Variants in KRT6A observed in about 807,000 individuals in gnomAD.
The protein encoded by KRT6A is keratin 6A.
KRT6A carries 28 observed loss-of-function variants against 48.6 expected under a neutral mutation model. That is an observed-to-expected ratio of 0.58 (90% CI 0.43 to 0.79). The LOEUF is 0.79. Ranked by LOEUF, KRT6A falls within the 30% of genes least tolerant of loss-of-function variation. KRT6A has a pLI of 0.00. For synonymous variants in KRT6A, 301 were observed against 294.2 expected (o/e 1.02, Z -0.24); for missense variants, 687 against 724.3 (o/e 0.95, Z 0.59).
In KRT6A at chr12:52,489,953, A is replaced by T. The variant is rs1221846830; in HGVS notation, c.1193T>A (p.Val398Asp). The T allele has an allele frequency of 6.2e-7, 1 of 1,614,074 alleles. No individual in the cohort carries two copies. Among genetic ancestry groups the T allele is most frequent in the Admixed American group, 1.7e-5 (1 of 60,006 alleles). The stretch of plus-strand genomic sequence containing the variant: ...TGTCCCTCACCATACCTGCTTCTTG[A>T]CGTGGTCGATCTCAGATCTCAGCCT... Reference protein sequence around the residue: ...IQRLRSEIDHVKKQCANLQAA... With the variant: ...IQRLRSEIDHDKKQCANLQAA... Residue 398 changes from valine to aspartate, a missense_variant, in exon 6 of 9, where the codon GTC becomes GAC. Physicochemically the swap from Val to Asp is radical, Grantham distance 152. Transcript: ENST00000330722.
rs1230455031 is a variant in KRT6A at position 52,487,934 on chromosome 12, G to T, written c.1481C>A (p.Ser494Tyr). ...ACCACTGGCACCGCCATAGCCACTG[G>T]AGACGGTGGACTGCACCACAGCTGT... The part of the protein sequence containing the change: ...VNISVVQSTV[S>Y]SGYGGASGVG... The change falls in exon 9 of 9, where the codon TCC (serine) becomes TAC (tyrosine). Residue 494 changes from serine (S) to tyrosine (Y), a missense_variant. Around this residue, in one of 3 missense-constraint regions of KRT6A, gnomAD observed 566 missense variants for 565.3 expected, o/e 1.00. Transcript: ENST00000330722. 1.2e-6 allele frequency: 2 copies of T among 1,614,076 alleles called. No individual in the cohort carries two copies. Among genetic ancestry groups the T allele is most frequent in the Non-Finnish European group, 1.7e-6 (2 of 1,180,012 alleles).
rs764824336 is a variant in KRT6A, at chr12:52,492,947, C to A, written c.242G>T (p.Gly81Val). The change falls in exon 1 of 9, where the codon GGC becomes GTC. Residue 81 changes from glycine to valine, a missense_variant. This residue lies in a region of KRT6A where 49 missense variants were observed against 97.3 expected (regional missense o/e 0.50). Coordinates refer to ENST00000330722, the MANE Select transcript of KRT6A (RefSeq NM_005554.4). ...SIGGGSCAIS[G>V]GYGSRAGGSY... ...GCCTCCGGCTCTGCTGCCATAGCCG[C>A]CACTGATGGCACAGCTGCCCCCTCC... 9.9e-6 allele frequency: 16 copies of A among 1,608,968 alleles called. No individual in the cohort carries two copies. Among genetic ancestry groups the A allele is most frequent in the Non-Finnish European group, 1.3e-5 (15 of 1,177,756 alleles).
In KRT6A at chr12:52,491,576, C is replaced by T. The variant is rs779699121; in HGVS notation, c.701G>A (p.Arg234His). ...CATGCCTCTGAGCTCTGAGTCCAGG[C>T]GGCCCCGTTCCCCGACAATGCTGTC... ...QLDSIVGERG[R>H]LDSELRGMQD... is the part of the protein sequence containing the mutation. Residue 234 changes from arginine (R) to histidine (H), a missense_variant, in exon 2 of 9, where the codon CGC (arginine) becomes CAC (histidine). Around this residue, in one of 3 missense-constraint regions of KRT6A, gnomAD observed 566 missense variants for 565.3 expected, o/e 1.00. Coordinates refer to ENST00000330722, the MANE Select transcript of KRT6A (RefSeq NM_005554.4). 3.4e-5 allele frequency: 55 copies of T among 1,614,010 alleles called. No individual in the cohort carries two copies. Among genetic ancestry groups the T allele is most frequent in the East Asian group, 3.1e-4 (14 of 44,902 alleles).
At position 52,490,978 on chromosome 12, in the gene KRT6A, A is replaced by T. The variant is rs756425537; in HGVS notation, c.817-25T>A. On this transcript the variant is annotated intron_variant, in intron 3 of 8. Transcript: ENST00000330722. ...CCTGGGGAAAGAGCCAACAACCTGG[A>T]GTTACCTGAGCTCACCTTTCCAATC... 1.9e-6 allele frequency: 3 copies of T among 1,613,686 alleles called. No individual in the cohort carries two copies. In the East Asian group the frequency reaches 6.7e-5, roughly 36 times the overall value.
rs540721552 is a variant in KRT6A at position 52,488,975 on chromosome 12, C to T, written c.1204-427G>A. Among the ~76,000 whole-genome samples, 112 of 152,332 alleles carry T rather than the reference C, an allele frequency of 7.4e-4. 1 individual carries two copies. The South Asian group carries it at 0.022, about 30-fold the overall frequency. ...TTCACATGAGACTGCTGAGACCTTG[C>T]CTTCCTCCCCCTCAGAATCTCTCAT... On this transcript the variant is annotated intron_variant, in intron 6 of 8. Coordinates refer to ENST00000330722, the MANE Select transcript of KRT6A (RefSeq NM_005554.4).
rs1938267530 is a variant in KRT6A, at chr12:52,491,621, T to C, written c.656A>G (p.Asn219Ser). Residue 219 changes from asparagine (N) to serine (S), a missense_variant, in exon 2 of 9, where the codon AAC becomes AGC. By Grantham distance (46) the Asn-to-Ser change is conservative. Around this residue, in one of 3 missense-constraint regions of KRT6A, gnomAD observed 566 missense variants for 565.3 expected, o/e 1.00. Coordinates refer to ENST00000330722, the MANE Select transcript of KRT6A (RefSeq NM_005554.4). ...NLEPLFEQYI[N>S]NLRRQLDSIV... ...GCTGTCCAGCTGCCTCCTGAGGTTG[T>C]TGATGTACTGCTCGAACAACGGCTC... 1.2e-6 allele frequency: 2 copies of C among 1,614,200 alleles called. No homozygotes were observed. Among genetic ancestry groups the C allele is most frequent in the East Asian group, 4.5e-5 (2 of 44,894 alleles).
intron 1 of KRT6A, among the ~76,000 whole-genome samples, 198 bp downstream of exon 1, chr12:52,492,451 T>A (rs1358374523): frequency 6.6e-6 from 1 of 151,948 alleles, no homozygotes; most frequent in African/African-American, 2.4e-5. Context: ...TAGGCAGGAG[T>A]GAGGGCCACT....
rs2120404585 is a variant in KRT6A, at chr12:52,491,409, C to T, written c.755+113G>A. 4 of 1,433,848 alleles carry T rather than the reference C, an allele frequency of 2.8e-6. No individual in the cohort carries two copies. In the South Asian group the frequency reaches 3.5e-5, roughly 13 times the overall value. The allele number at this position is 1,433,848 out of a possible 1,614,324, so 88.8% of individuals were successfully genotyped here. A position where few individuals can be genotyped will look rare whatever the true frequency, so the allele number is the denominator to read the frequency against. ...CTCCTAGGGACTAATTTGTGCTCTT[C>T]ATTTCCACGGACATGGGTTGTTAGG... On this transcript the variant is annotated intron_variant, in intron 2 of 8. Transcript: ENST00000330722.
rs773068051 is a variant in KRT6A at position 52,493,234 on chromosome 12, G to A, written c.-46C>T. The A allele has an allele frequency of 6.2e-7, 1 of 1,613,680 alleles. No individual in the cohort carries two copies. Among genetic ancestry groups the A allele is most frequent in the Non-Finnish European group, 8.5e-7 (1 of 1,179,840 alleles). ...CTGAGGAGAGTGTGAGAGGCTGGAG[G>A]AGAGAGGGAAGAGAAGCAGGACTAG... is the stretch of plus-strand genomic sequence containing the variant. On this transcript the variant is annotated 5_prime_UTR_variant, in exon 1 of 9. Transcript: ENST00000330722.
In KRT6A at chr12:52,491,585, T is replaced by C. The variant is rs1938266068; in HGVS notation, c.692A>G (p.Glu231Gly). 1.2e-6 allele frequency: 2 copies of C among 1,614,150 alleles called. No individual in the cohort carries two copies. The highest frequency in any genetic ancestry group is 1.7e-6 in the Non-Finnish European group (2 of 1,180,032). Residue 231 changes from glutamate to glycine, a missense_variant, in exon 2 of 9, where the codon GAA (glutamate) becomes GGA (glycine). Around this residue, in one of 3 missense-constraint regions of KRT6A, gnomAD observed 566 missense variants for 565.3 expected, o/e 1.00. Transcript: ENST00000330722. ...GAGCTCTGAGTCCAGGCGGCCCCGT[T>C]CCCCGACAATGCTGTCCAGCTGCCT... The part of the protein sequence containing the change: ...LRRQLDSIVG[E>G]RGRLDSELRG...
In KRT6A at chr12:52,487,210, A is replaced by C; in HGVS notation, c.*510T>G. 6.2e-6 allele frequency: 1 copy of C among 162,074 alleles called. No individual in the cohort carries two copies. The allele number at this position is 162,074 out of a possible 1,614,324, so 10.0% of individuals were successfully genotyped here. On this transcript the variant is annotated 3_prime_UTR_variant, in exon 9 of 9. Coordinates refer to ENST00000330722, the MANE Select transcript of KRT6A (RefSeq NM_005554.4). ...AAATCTGCTTTATTTAGCAATTGCA[A>C]ACAGCGAAGAGCACAGAAATCATCA...
rs775397240 is a variant in KRT6A at position 52,492,805 on chromosome 12, A to G, written c.384T>C (p.Pro128=). 4 of 1,612,894 alleles carry G rather than the reference A, an allele frequency of 2.5e-6. No homozygotes were observed. In the African/African-American group the frequency reaches 5.4e-5, roughly 22 times the overall value. ...LAGGFGGPGF[P]VCPPGGIQEV... ...CTTGGATGCCTCCAGGGGGGCACACAGGGAAGCCAGGGCCCCCAAAGCCAC... is the reference window on the plus strand; with the variant it reads ...CTTGGATGCCTCCAGGGGGGCACACGGGGAAGCCAGGGCCCCCAAAGCCAC... Residue 128 remains proline, a synonymous_variant, in exon 1 of 9, where the codon CCT becomes CCC. Coordinates refer to ENST00000330722, the MANE Select transcript of KRT6A (RefSeq NM_005554.4).
intron 2 of KRT6A, 143 bp downstream of exon 2, chr12:52,491,379 G>T: frequency 9.6e-6 from 13 of 1,359,854 alleles, no homozygotes; most frequent in East Asian, 2.4e-5. Flanking sequence ...GTTCTTGCAG[G>T]TTTGCTCCTA....
chr12:52,488,025 G>A (rs534190134), intron 8 of KRT6A, 44 bp downstream of exon 8: 2 of 1,614,188 alleles, frequency 1.2e-6, no homozygotes, highest in South Asian at 2.2e-5. Context: ...AGCCCAGTCA[G>A]AAGAGTGCGA....
chr12:52,491,452 G>A (rs1253378127), intron 2 of KRT6A, 70 bp downstream of exon 2: 3 of 1,573,456 alleles, frequency 1.9e-6, no homozygotes, highest in Non-Finnish European at 2.6e-6. Context: ...CCCCCTTCTG[G>A]CCCTGGTCAC....
At chr12:52,492,438 C>A (rs1938284603) in intron 1 of KRT6A, among the ~76,000 whole-genome samples, 1 of 152,194 alleles carries the variant, frequency 6.6e-6, no homozygotes. Flanking sequence ...TTATGGTTCT[C>A]CCTAGGCAGG....
At chr12:52,491,945 G>A (rs1273527966) in intron 1 of KRT6A, among the ~76,000 whole-genome samples, 2 of 152,152 alleles carry the variant, frequency 1.3e-5, no homozygotes, top group African/African-American at 4.8e-5. Flanking sequence ...GGACCATTCA[G>A]GTGTTCTCAC....
intron 6 of KRT6A, among the ~76,000 whole-genome samples, chr12:52,489,676 C>G (rs1035129138): frequency 2.6e-5 from 4 of 152,098 alleles, no homozygotes; most frequent in African/African-American, 9.7e-5. Flanking sequence ...CCACTGTGGT[C>G]CAGGGAAGCC....
rs1053734 is a variant in KRT6A at position 52,487,811 on chromosome 12, A to G, written c.1604T>C (p.Ile535Thr). The change falls in exon 9 of 9, where the codon ATT becomes ACT. Residue 535 changes from isoleucine (I) to threonine (T), a missense_variant. Coordinates refer to ENST00000330722, the MANE Select transcript of KRT6A (RefSeq NM_005554.4). ...TCCAACAGAGCTGAGGCCACCCCCA[A>G]TGGCTCTGCCACTGCTGGAACTGAA... ...GGFSSSSGRA[I>T]GGGLSSVGGG... is the part of the protein sequence containing the mutation. 395 of 1,614,028 alleles carry G rather than the reference A, an allele frequency of 2.4e-4. No homozygotes were observed. The East Asian group carries it at 4.7e-3, about 19-fold the overall frequency.
Sources: allele counts gnomAD v4.1 joint callset (sites outside exome capture counted in the v4.1 genomes callset), GRCh38; gene constraint gnomAD v4.1.1; regional missense constraint gnomAD v4.1.1; transcripts MANE v1.5; gene names NCBI Gene and HGNC (gene_info 2026-07-23, HGNC 2026-07-21).